The following BOC variants were observed in gnomAD, a reference collection of about 807,000 sequenced individuals.
The protein encoded by BOC is BOC cell adhesion associated, oncogene regulated.
BOC carries 76 observed loss-of-function variants against 112.0 expected under a neutral mutation model. The observed-to-expected ratio is 0.68, with a 90% CI of 0.56 to 0.82. The LOEUF is 0.82. BOC is among the 40% of genes least tolerant of loss of function. The probability of loss-of-function intolerance (pLI) is 0.00; values close to 1 mark genes in which losing one functional copy is unlikely to be tolerated. For missense variants in BOC, 1,309 were observed against 1,511.7 expected (o/e 0.87, Z 2.22); for synonymous variants, 580 against 599.8 (o/e 0.97, Z 0.48).
At chr3:113,249,633 A>G (rs1479920458) in intron 2 of BOC, 89 bp from the exon 3 acceptor site, 9 of 543,942 alleles carry the variant, frequency 1.7e-5, no homozygotes, top group Non-Finnish European at 2.9e-5. Context: ...AACAGGGAAC[A>G]AGGGACAAAG....
chr3:113,248,927 C>A (rs530842307), intron 2 of BOC, among the ~76,000 whole-genome samples: 1 of 150,776 alleles, frequency 6.6e-6, no homozygotes, highest in Non-Finnish European at 1.5e-5. Context: ...TTTGTAGAGA[C>A]GGAAAAGTTC....
chr3:113,248,989 G>A (rs1007179686), intron 2 of BOC, among the ~76,000 whole-genome samples: 1 of 152,158 alleles, frequency 6.6e-6, no homozygotes, highest in Non-Finnish European at 1.5e-5. Context: ...TGAGTGAAGC[G>A]AAAACAAGGC....
Position 113,280,548 on chromosome 3 carries a change from T to G in BOC, c.2206-10T>G, listed in dbSNP as rs1201791546. The stretch of plus-strand genomic sequence containing the variant: ...CCATTGTCAACTTGTTTCTTCTCCA[T>G]TCCCTATAGTACATCCCAGCAAGTA... On this transcript the variant is annotated splice_polypyrimidine_tract_variant and intron_variant, in intron 13 of 19. Coordinates refer to ENST00000682979, the MANE Select transcript of BOC (RefSeq NM_001378074.1). 1 of 1,574,420 alleles carries G rather than the reference T, an allele frequency of 6.4e-7. No individual in the cohort carries two copies. The highest frequency in any genetic ancestry group is 1.1e-5 in the South Asian group (1 of 90,240).
intron 2 of BOC, among the ~76,000 whole-genome samples, chr3:113,239,938 C>G (rs192567903): frequency 6.6e-6 from 1 of 152,170 alleles, no homozygotes; most frequent in Non-Finnish European, 1.5e-5. Context: ...CACAAAGTCC[C>G]GTTAGACCCA....
rs1949482776 is a variant in BOC at position 113,284,428 on chromosome 3, CCAGTGGACAGCCCTACCTCAGTGGCAT to C, written c.2759_2785del (p.Gln920_Gly928del). 1 of 1,614,276 alleles carries C rather than the reference CCAGTGGACAGCCCTACCTCAGTGGCAT, an allele frequency of 6.2e-7. No homozygotes were observed. The highest frequency in any genetic ancestry group is 1.3e-5 in the African/African-American group (1 of 75,078). On this transcript the variant is annotated inframe_deletion, in exon 17 of 20. Coordinates refer to ENST00000682979, the MANE Select transcript of BOC (RefSeq NM_001378074.1). ...TTGGGAGGACTCCCAGGCCACCAGGCCAGTGGACAGCCCTACCTCAGTGGCATCAGTGGACGGGCCTGTGCTAATGGG... is the reference window on the plus strand; with the variant it reads ...TTGGGAGGACTCCCAGGCCACCAGGCCAGTGGACGGGCCTGTGCTAATGGG...
Position 113,270,949 on chromosome 3 carries a change from G to T in BOC, c.667+5G>T. On this transcript the variant is annotated splice_donor_5th_base_variant and intron_variant, in intron 6 of 19. Transcript: ENST00000682979. ...GCGACAGGCTACGTGTGCGCCGTAA[G>T]GCCCGGGCCCACCTGCTGGGGGATG... is the stretch of plus-strand genomic sequence containing the variant. 6.2e-7 allele frequency: 1 copy of T among 1,614,184 alleles called. No individual in the cohort carries two copies. Among genetic ancestry groups the T allele is most frequent in the Non-Finnish European group, 8.5e-7 (1 of 1,180,044 alleles).
In BOC at chr3:113,279,412, C is replaced by T. The variant is rs531750725; in HGVS notation, c.1980C>T (p.Ile660=). The T allele has an allele frequency of 2.5e-6, 4 of 1,614,138 alleles. No homozygotes were observed. Among genetic ancestry groups the T allele is most frequent in the African/African-American group, 1.3e-5 (1 of 75,054 alleles). The change falls in exon 12 of 20, where the codon ATC becomes ATT. Residue 660 remains isoleucine (I), a synonymous_variant. Transcript: ENST00000682979. The stretch of plus-strand genomic sequence containing the variant: ...ACTGGATTCTGGCCACCAGCGCCAT[C>T]CCCCCATCGCGGCTGTCCGTGGAGA... ...VGDWILATSA[I]PPSRLSVEIT...
At chr3:113,260,910 C>T (rs947246921) in intron 4 of BOC, among the ~76,000 whole-genome samples, 3 of 152,082 alleles carry the variant, frequency 2.0e-5, no homozygotes. Flanking sequence ...AACCATCCCC[C>T]CCAGTCTCCC....
At chr3:113,244,141 G>T (rs913666375) in intron 2 of BOC, among the ~76,000 whole-genome samples, 3 of 152,200 alleles carry the variant, frequency 2.0e-5, no homozygotes, top group African/African-American at 7.2e-5. Flanking sequence ...CACTGCAGAG[G>T]AGGCTAGGAA....
At position 113,278,488 on chromosome 3, in the gene BOC, G is replaced by C. The variant is rs1258132417; in HGVS notation, c.1706-185G>C. On this transcript the variant is annotated intron_variant, in intron 10 of 19. Transcript: ENST00000682979. This position sits in a 1 kb window ranked among gnomAD's most constrained non-coding sequence, Gnocchi z 4.2. ...CCCTTCATCCCTCTCTCACACAGGG[G>C]CCAGCAATAGTACCACAACAGAACC... 6.6e-6 allele frequency among the ~76,000 whole-genome samples: 1 copy of C among 152,042 alleles called. No homozygotes were observed. Among genetic ancestry groups the C allele is most frequent in the Non-Finnish European group, 1.5e-5 (1 of 68,010 alleles).
intron 2 of BOC, among the ~76,000 whole-genome samples, chr3:113,227,778 C>CA (rs1941908076): frequency 6.6e-6 from 1 of 151,812 alleles, no homozygotes; most frequent in Non-Finnish European, 1.5e-5. Flanking sequence ...TTTAAAAACT[C>CA]AAAGAGCTAT....
chr3:113,271,088 G>T, intron 6 of BOC, 144 bp downstream of exon 6: 1 of 1,238,410 alleles, frequency 8.1e-7, no homozygotes, highest in Non-Finnish European at 1.2e-6. Flanking sequence ...GACAGCCAGG[G>T]GTTCTCAGCC....
chr3:113,234,064 A>G (rs1943089751), intron 2 of BOC, among the ~76,000 whole-genome samples: 1 of 152,198 alleles, frequency 6.6e-6, no homozygotes, highest in Admixed American at 6.5e-5. Context: ...CTTAGCAAAC[A>G]TTCTTTGAGT....
chr3:113,281,101 C>T lies in BOC; in HGVS notation c.2382C>T (p.Phe794=), dbSNP rs746309003. Residue 794 remains phenylalanine (F), a synonymous_variant, in exon 15 of 20, where the codon TTC becomes TTT. Coordinates refer to ENST00000682979, the MANE Select transcript of BOC (RefSeq NM_001378074.1). ...CCTACGACATTAAGATGCAGTGCTT[C>T]AATGAAGGAGGGGAGAGCGAGTTCA... ...ETSYDIKMQC[F]NEGGESEFSN... is the part of the protein sequence containing the mutation. The T allele has an allele frequency of 1.3e-5, 21 of 1,614,010 alleles. No individual in the cohort carries two copies. The South Asian group carries it at 2.1e-4, about 16-fold the overall frequency.
intron 16 of BOC, 73 bp downstream of exon 16, chr3:113,283,705 AG>A: frequency 7.1e-7 from 1 of 1,417,874 alleles, no homozygotes; most frequent in Non-Finnish European, 9.8e-7. Context: ...GCCTCTGCCT[AG>A]GTCTGTGTCC....
intron 4 of BOC, among the ~76,000 whole-genome samples, chr3:113,259,947 G>T (rs1946637478): frequency 6.6e-6 from 1 of 152,088 alleles, no homozygotes; most frequent in South Asian, 2.1e-4. Flanking sequence ...ACCTCTGTTG[G>T]GTTACTAATT....
intron 1 of BOC, among the ~76,000 whole-genome samples, chr3:113,214,817 A>G (rs1312394432): frequency 6.6e-6 from 1 of 152,254 alleles, no homozygotes; most frequent in Non-Finnish European, 1.5e-5. Flanking sequence ...TTAGTGCATC[A>G]GGCACCAGGC....
chr3:113,283,374 A>T, intron 15 of BOC, 37 bp from the exon 16 acceptor site: 1 of 1,533,944 alleles, frequency 6.5e-7, no homozygotes, highest in Non-Finnish European at 8.8e-7. Context: ...AATATCAAAG[A>T]AACATATGCT....
intron 15 of BOC, among the ~76,000 whole-genome samples, chr3:113,282,388 G>T (rs536405501): frequency 6.6e-6 from 1 of 152,318 alleles, no homozygotes; most frequent in Non-Finnish European, 1.5e-5. Context: ...GCATGCTAGG[G>T]CTGGGAGAGA....
Sources: allele counts gnomAD v4.1 joint callset (sites outside exome capture counted in the v4.1 genomes callset), GRCh38; gene constraint gnomAD v4.1.1; non-coding constraint Gnocchi (gnomAD v3.1); transcripts MANE v1.5; gene names NCBI Gene and HGNC (gene_info 2026-07-23, HGNC 2026-07-21).